The following ZNF738 variants were observed in gnomAD, a reference collection of about 807,000 sequenced individuals.
ZNF738 encodes zinc finger protein 738.
ZNF738 carries 10 observed loss-of-function variants against 9.2 expected under a neutral mutation model. The observed-to-expected ratio is 1.09, with a 90% confidence interval of 0.67 to 1.85. The LOEUF is 1.85. Ranked by LOEUF, ZNF738 falls within the 40% of genes most tolerant of loss-of-function variation. The pLI is 0.00. For missense variants in ZNF738, 346 were observed against 283.6 expected (o/e 1.22, Z -1.58); for synonymous variants, 113 against 94.5 (o/e 1.20, Z -1.14).
At chr19:21,366,474 G>C (rs1299872022) in intron 2 of ZNF738, among the ~76,000 whole-genome samples, 1 of 152,090 alleles carries the variant, frequency 6.6e-6, no homozygotes, top group East Asian at 1.9e-4. Context: ...AATTTTTCTG[G>C]GGGAGGGACA....
At position 21,384,637 on chromosome 19, in the gene ZNF738, A is replaced by G. The variant is rs146494745; in HGVS notation, c.*963A>G. ...TAAAAATCCTCAAACCTTACTAATCATAAGATAACTCATACTGGAGAGAAA... is the reference window on the plus strand; with the variant it reads ...TAAAAATCCTCAAACCTTACTAATCGTAAGATAACTCATACTGGAGAGAAA... On this transcript the variant is annotated 3_prime_UTR_variant, in exon 5 of 5. Coordinates refer to ENST00000683779, the MANE Select transcript of ZNF738 (RefSeq NM_001355237.2). Among the ~76,000 whole-genome samples, 1 of 152,338 alleles carries G rather than the reference A, an allele frequency of 6.6e-6. No homozygotes were observed. The highest frequency in any genetic ancestry group is 1.9e-4 in the East Asian group (1 of 5,174).
rs114299790 is a variant in ZNF738 at position 21,386,229 on chromosome 19, T to G, written c.*2555T>G. On this transcript the variant is annotated 3_prime_UTR_variant, in exon 5 of 5. Coordinates refer to ENST00000683779, the MANE Select transcript of ZNF738 (RefSeq NM_001355237.2). Reference sequence around the variant, plus strand: ...AATGGTCCCCTCAACTTTCTGCACATAAGATAATTTATACTGTGGAGAAGC... The same window carrying G: ...AATGGTCCCCTCAACTTTCTGCACAGAAGATAATTTATACTGTGGAGAAGC... 1,573 of 287,628 alleles carry G rather than the reference T, an allele frequency of 5.5e-3. 21 individuals carry two copies. Among genetic ancestry groups the G allele is most frequent in the African/African-American group, 0.033 (1,491 of 44,892 alleles). 17.8% of individuals were successfully genotyped at this position (287,628 alleles called of 1,614,324 possible). A position where few individuals can be genotyped will look rare whatever the true frequency, so the allele number is the denominator to read the frequency against.
intron 1 of ZNF738, among the ~76,000 whole-genome samples, chr19:21,359,415 T>C (rs1356137021): frequency 1.3e-5 from 2 of 152,304 alleles, no homozygotes; most frequent in East Asian, 3.9e-4. Flanking sequence ...CAGCGCCGCT[T>C]CTCTACCGGA....
Position 21,383,156 on chromosome 19 carries a change from T to C in ZNF738, c.610T>C (p.Phe204Leu). Reference protein sequence around the residue: ...HKTRHTGKKPFKCKKCGKSFC... With the variant: ...HKTRHTGKKPLKCKKCGKSFC... The stretch of plus-strand genomic sequence containing the variant: ...GACAAGACATACTGGAAAGAAACCT[T>C]TCAAATGTAAAAAATGTGGCAAATC... The change falls in exon 5 of 5, where the codon TTC becomes CTC. Residue 204 changes from phenylalanine (F) to leucine (L), a missense_variant. Transcript: ENST00000683779. 6.3e-7 allele frequency: 1 copy of C among 1,599,094 alleles called. No individual in the cohort carries two copies. The highest frequency in any genetic ancestry group is 8.6e-7 in the Non-Finnish European group (1 of 1,167,846).
At chr19:21,374,441 G>A (rs1429743082) in intron 2 of ZNF738, among the ~76,000 whole-genome samples, 2 of 152,188 alleles carry the variant, frequency 1.3e-5, no homozygotes, top group Non-Finnish European at 2.9e-5. Context: ...GTGTTCTTCG[G>A]TGTGCGTCAG....
At chr19:21,362,178 A>G (rs1427937629) in intron 2 of ZNF738, among the ~76,000 whole-genome samples, 2 of 151,976 alleles carry the variant, frequency 1.3e-5, no homozygotes, top group Non-Finnish European at 2.9e-5. Flanking sequence ...CATGGAGACA[A>G]ATTGCTTGTC....
rs71176864 is a variant in ZNF738, at chr19:21,364,912, A to ATTTT, written c.96+3078_96+3081dup. On this transcript the variant is annotated intron_variant, in intron 2 of 4. Transcript: ENST00000683779. ...AGGCATCCACCACCATACCCAGCTAATTTTTTTTTTTTTTTTTTTTTTTTT... is the reference window on the plus strand; with the variant it reads ...AGGCATCCACCACCATACCCAGCTAATTTTTTTTTTTTTTTTTTTTTTTTTTTTT... Among the ~76,000 whole-genome samples, 718 of 99,180 alleles carry ATTTT rather than the reference A, an allele frequency of 7.2e-3. 38 individuals are homozygous for ATTTT. The highest frequency in any genetic ancestry group is 0.011 in the Middle Eastern group (2 of 190). 65.1% of individuals were successfully genotyped at this position (99,180 alleles called of 152,430 possible).
chr19:21,372,228 C>A (rs1367739856), intron 2 of ZNF738: 7 of 152,160 alleles, frequency 4.6e-5, no homozygotes, highest in Admixed American at 4.6e-4. Flanking sequence ...AGGCATGAGC[C>A]ACCGTGCCAG....
At chr19:21,372,865 C>T (rs188994787) in intron 2 of ZNF738, 4 of 152,264 alleles carry the variant, frequency 2.6e-5, no homozygotes, top group South Asian at 2.1e-4. Context: ...TAAATGCAGA[C>T]TTATTTAGAC....
intron 4 of ZNF738, chr19:21,378,037 G>A: frequency 2.5e-6 from 1 of 397,412 alleles, no homozygotes; most frequent in Non-Finnish European, 4.4e-6. Context: ...GTACGTGGGG[G>A]ATTACATAAA....
intron 4 of ZNF738, among the ~76,000 whole-genome samples, chr19:21,380,820 C>G (rs1973993948): frequency 6.6e-6 from 1 of 152,120 alleles, no homozygotes; most frequent in Admixed American, 6.6e-5. Flanking sequence ...TCAGGACGTC[C>G]TGTCTCAGAT....
At chr19:21,372,619 C>T (rs541563275) in intron 2 of ZNF738, 7 of 152,328 alleles carry the variant, frequency 4.6e-5, no homozygotes, top group African/African-American at 1.7e-4. Flanking sequence ...GATCCAGTAG[C>T]TGCTCTACAA....
Position 21,382,973 on chromosome 19 carries a change from C to T in ZNF738, c.427C>T (p.Gln143Ter), listed in dbSNP as rs1380428632. Reference protein sequence around the residue: ...EYGNYGHKDLQLRKGCKSVNE... With the variant: ...EYGNYGHKDL Reference sequence around the variant, plus strand: ...TGGAAATTATGGACATAAAGATTTACAGTTAAGAAAAGGCTGTAAAAGTGT... The same window carrying T: ...TGGAAATTATGGACATAAAGATTTATAGTTAAGAAAAGGCTGTAAAAGTGT... The change falls in exon 5 of 5, where the codon CAG becomes TAG. Residue 143 changes from glutamine (Q) to a stop codon, truncating the protein, a stop_gained. Coordinates refer to ENST00000683779, the MANE Select transcript of ZNF738 (RefSeq NM_001355237.2). LOFTEE classifies it low-confidence loss of function (END_TRUNC). 4.5e-6 allele frequency: 3 copies of T among 664,918 alleles called. No individual in the cohort carries two copies. The highest frequency in any genetic ancestry group is 2.7e-5 in the East Asian group (1 of 36,612). 41.2% of individuals were successfully genotyped at this position (664,918 alleles called of 1,614,324 possible).
intron 2 of ZNF738, among the ~76,000 whole-genome samples, chr19:21,362,811 C>G (rs1445379059): frequency 5.3e-5 from 8 of 151,958 alleles, no homozygotes; most frequent in African/African-American, 1.9e-4. Context: ...TGGGTGATTT[C>G]AAACAGAATT....
In ZNF738 at chr19:21,359,100, A is replaced by G. The variant is rs755489165; in HGVS notation, c.-41A>G. The G allele has an allele frequency of 1.9e-6, 2 of 1,028,020 alleles. No homozygotes were observed. Among genetic ancestry groups the G allele is most frequent in the Non-Finnish European group, 1.5e-6 (1 of 647,916 alleles). The allele number at this position is 1,028,020 out of a possible 1,614,324, so 63.7% of individuals were successfully genotyped here. A position where few individuals can be genotyped will look rare whatever the true frequency, so the allele number is the denominator to read the frequency against. On this transcript the variant is annotated 5_prime_UTR_variant, in exon 1 of 5. Coordinates refer to ENST00000683779, the MANE Select transcript of ZNF738 (RefSeq NM_001355237.2). Reference sequence around the variant, plus strand: ...GGTCCTGTGACCTGCAGGTATTGGGAATCCACAGCTAAGACGCCGGGACAC... The same window carrying G: ...GGTCCTGTGACCTGCAGGTATTGGGGATCCACAGCTAAGACGCCGGGACAC...
chr19:21,364,911 AATT>A (rs1051607524), intron 2 of ZNF738, among the ~76,000 whole-genome samples: 3 of 55,580 alleles, frequency 5.4e-5, no homozygotes, highest in African/African-American at 2.2e-4. Context: ...ATACCCAGCT[AATT>A]TTTTTTTTTT....
At chr19:21,366,066 A>G (rs1161775480) in intron 2 of ZNF738, among the ~76,000 whole-genome samples, 3 of 152,158 alleles carry the variant, frequency 2.0e-5, no homozygotes, top group African/African-American at 7.2e-5. Context: ...TTGGTAGCAA[A>G]AGGGTCGTTT....
chr19:21,383,658 C>T lies in ZNF738; in HGVS notation c.1112C>T (p.Pro371Leu). The T allele has an allele frequency of 1.0e-6, 1 of 971,948 alleles. No individual in the cohort carries two copies. Among genetic ancestry groups the T allele is most frequent in the Non-Finnish European group, 1.6e-6 (1 of 612,528 alleles). 60.2% of individuals were successfully genotyped at this position (971,948 alleles called of 1,614,324 possible). A position where few individuals can be genotyped will look rare whatever the true frequency, so the allele number is the denominator to read the frequency against. The change falls in exon 5 of 5, where the codon CCC (proline) becomes CTC (leucine). Residue 371 changes from proline (P) to leucine (L), a missense_variant. Coordinates refer to ENST00000683779, the MANE Select transcript of ZNF738 (RefSeq NM_001355237.2). ...AAGATAATTCATACTGGAGAGAAAC[C>T]CTACAAATGTGAATAATGTGGCAAA... ...RHKIIHTGEKPYKCE is the reference protein window; with the variant it reads ...RHKIIHTGEKLYKCE
At chr19:21,362,886 C>T (rs746780244) in intron 2 of ZNF738, among the ~76,000 whole-genome samples, 2 of 151,910 alleles carry the variant, frequency 1.3e-5, no homozygotes, top group South Asian at 4.1e-4. Flanking sequence ...CCATTTTTGC[C>T]GTAGAAAATG....
Sources: allele counts gnomAD v4.1 joint callset (sites outside exome capture counted in the v4.1 genomes callset), GRCh38; gene constraint gnomAD v4.1.1; transcripts MANE v1.5; gene names NCBI Gene and HGNC (gene_info 2026-07-23, HGNC 2026-07-21).